WDR33: variants seen among roughly 807,000 people sequenced by gnomAD.
WDR33 encodes the protein WD repeat domain 33.
In WDR33, 47 loss-of-function variants were observed where a neutral mutation model predicts 164.9. The ratio of observed to expected loss-of-function variants is 0.29; its 90% CI spans 0.23 to 0.36. The LOEUF is 0.36. WDR33 is among the 10% of genes least tolerant of loss of function. The probability of loss-of-function intolerance (pLI) is 1.00; values close to 1 mark genes in which losing one functional copy is unlikely to be tolerated. For missense variants in WDR33, 1,137 were observed against 1,754.1 expected, an observed-to-expected ratio of 0.65 and a Z score of 6.28; for synonymous variants, 505 against 589.0, an observed-to-expected ratio of 0.86 and a Z score of 2.06.
At chr2:127,732,058 A>T (rs1218519942) in intron 7 of WDR33, among the ~76,000 whole-genome samples, 1 of 151,646 alleles carries the variant, frequency 6.6e-6, no homozygotes, top group Non-Finnish European at 1.5e-5. Flanking sequence ...ATTACATTCC[A>T]GGCTGGGTGA....
chr2:127,763,605 GCTGT>G lies in WDR33; in HGVS notation c.627-450_627-447del, dbSNP rs1383791619. ...CATGAAATAAGCTGAAACAATGTGG[GCTGT>G]CTATTAAAAGACTGATTGCTAAACA... On this transcript the variant is annotated intron_variant, in intron 6 of 21. Coordinates refer to ENST00000322313, the MANE Select transcript of WDR33 (RefSeq NM_018383.5). This position sits in a 1 kb window ranked among gnomAD's most constrained non-coding sequence, Gnocchi z 4.5. 1.0e-5 allele frequency: 10 copies of G among 995,682 alleles called. No homozygotes were observed. The highest frequency in any genetic ancestry group is 1.1e-4 in the Admixed American group (2 of 17,542). 61.7% of individuals were successfully genotyped at this position (995,682 alleles called of 1,614,324 possible).
chr2:127,798,401 T>C (rs1464738608), intron 1 of WDR33, among the ~76,000 whole-genome samples: 1 of 144,868 alleles, frequency 6.9e-6, no homozygotes, highest in Non-Finnish European at 1.5e-5. Flanking sequence ...AAAAATGAAT[T>C]TAAAAGCATT....
In WDR33 at chr2:127,713,538, A is replaced by G. The variant is rs758095071; in HGVS notation, c.3308+45T>C. 23 of 1,591,956 alleles carry G rather than the reference A, an allele frequency of 1.4e-5. No homozygotes were observed. The African/African-American group carries it at 3.1e-4, about 22-fold the overall frequency. Reference sequence around the variant, plus strand: ...GACCTTTGTGGAGACAGCAGATAAAAAGCTCCACTGAAGATGGAATGGGCC... The same window carrying G: ...GACCTTTGTGGAGACAGCAGATAAAGAGCTCCACTGAAGATGGAATGGGCC... On this transcript the variant is annotated intron_variant, in intron 18 of 21. Coordinates refer to ENST00000322313, the MANE Select transcript of WDR33 (RefSeq NM_018383.5). The surrounding 1 kb of genome is among the most constrained non-coding windows in gnomAD (Gnocchi z 6.2).
chr2:127,711,763 T>TAGATATATATATATATAG (rs1480358329), intron 18 of WDR33, among the ~76,000 whole-genome samples: 4 of 84,664 alleles, frequency 4.7e-5, no homozygotes, highest in African/African-American at 3.7e-4. Flanking sequence ...TATATATATA[T>TAGATATATATATATATAG]ATATATATAT....
chr2:127,715,847 C>T (rs979226782), intron 17 of WDR33, among the ~76,000 whole-genome samples: 6 of 152,118 alleles, frequency 3.9e-5, no homozygotes, highest in Non-Finnish European at 7.4e-5. Context: ...GCGGCGGCGG[C>T]GGTTATTCCA....
intron 4 of WDR33, among the ~76,000 whole-genome samples, 172 bp downstream of exon 4, chr2:127,768,014 ATGG>A (rs1687874979): frequency 6.6e-6 from 1 of 152,254 alleles, no homozygotes; most frequent in Non-Finnish European, 1.5e-5. Context: ...ATCTCACTCA[ATGG>A]TGATAAAGTA....
chr2:127,702,122 C>A lies in WDR33; in HGVS notation c.*4201G>T. 8.2e-7 allele frequency: 1 copy of A among 1,218,096 alleles called. No homozygotes were observed. Among genetic ancestry groups the A allele is most frequent in the Non-Finnish European group, 1.0e-6 (1 of 980,786 alleles). The allele number at this position is 1,218,096 out of a possible 1,614,324, so 75.5% of individuals were successfully genotyped here. A position where few individuals can be genotyped will look rare whatever the true frequency, so the allele number is the denominator to read the frequency against. ...GGGGCGGCGGCACCGCGCTGCGCCTCGCACTGGGTCGCCTGGGCCGCGGCG... is the reference window on the plus strand; with the variant it reads ...GGGGCGGCGGCACCGCGCTGCGCCTAGCACTGGGTCGCCTGGGCCGCGGCG... On this transcript the variant is annotated 3_prime_UTR_variant, in exon 22 of 22. Transcript: ENST00000322313.
intron 2 of WDR33, among the ~76,000 whole-genome samples, chr2:127,769,900 A>G (rs577626909): frequency 6.6e-6 from 1 of 152,230 alleles, no homozygotes; most frequent in East Asian, 1.9e-4. Flanking sequence ...TAAATAAAGA[A>G]CTCTAACGGG....
intron 1 of WDR33, among the ~76,000 whole-genome samples, chr2:127,781,314 G>C (rs1688360723): frequency 6.6e-6 from 1 of 152,126 alleles, no homozygotes; most frequent in Non-Finnish European, 1.5e-5. Flanking sequence ...AGAGTTAGGG[G>C]GGTAGGAGAG....
Position 127,708,624 on chromosome 2 carries a change from G to GC in WDR33, c.3781+52dup. ...GGCATGTGCAGCAGATACAGGCAAG[G>GC]CCTCCATCGGCCCCTGCATCTCCTG... On this transcript the variant is annotated intron_variant, in intron 21 of 21. Transcript: ENST00000322313. This position sits in a 1 kb window ranked among gnomAD's most constrained non-coding sequence, Gnocchi z 6.7. 1 of 1,511,640 alleles carries GC rather than the reference G, an allele frequency of 6.6e-7. No individual in the cohort carries two copies. Among genetic ancestry groups the GC allele is most frequent in the Non-Finnish European group, 8.9e-7 (1 of 1,124,000 alleles). 93.6% of individuals were successfully genotyped at this position (1,511,640 alleles called of 1,614,324 possible).
In WDR33 at chr2:127,701,849, G is replaced by C; in HGVS notation, c.*4474C>G. 1 of 1,459,822 alleles carries C rather than the reference G, an allele frequency of 6.9e-7. No individual in the cohort carries two copies. Among genetic ancestry groups the C allele is most frequent in the Non-Finnish European group, 9.0e-7 (1 of 1,110,578 alleles). The allele number at this position is 1,459,822 out of a possible 1,614,324, so 90.4% of individuals were successfully genotyped here. ...CGGTGTTGCTGCTGCGCGCGCGCAA[G>C]TTCGCGCTGCTCTGGTCACTGGGCT... On this transcript the variant is annotated 3_prime_UTR_variant, in exon 22 of 22. Coordinates refer to ENST00000322313, the MANE Select transcript of WDR33 (RefSeq NM_018383.5).
At chr2:127,789,168 C>T (rs11899906) in intron 1 of WDR33, among the ~76,000 whole-genome samples, 21 of 7,212 alleles carry the variant, frequency 2.9e-3, no homozygotes, top group South Asian at 5.2e-3. Flanking sequence ...GCGCTCCTCA[C>T]TTCCTAGATG....
chr2:127,794,765 C>T (rs1688965635), intron 1 of WDR33, among the ~76,000 whole-genome samples: 1 of 141,460 alleles, frequency 7.1e-6, no homozygotes, highest in African/African-American at 2.7e-5. Flanking sequence ...ACCCAGGAGG[C>T]AGAGGTTGCA....
At chr2:127,760,582 A>G (rs1056492975) in intron 7 of WDR33, among the ~76,000 whole-genome samples, 2 of 152,224 alleles carry the variant, frequency 1.3e-5, no homozygotes, top group African/African-American at 4.8e-5. Flanking sequence ...GGAAGCTCTT[A>G]GATGCATAAA....
intron 1 of WDR33, among the ~76,000 whole-genome samples, chr2:127,789,936 A>G (rs1285257189): frequency 1.3e-5 from 2 of 152,090 alleles, no homozygotes; most frequent in African/African-American, 4.8e-5. Context: ...CCCAGGCTCA[A>G]GCAATCCTTT....
intron 7 of WDR33, among the ~76,000 whole-genome samples, chr2:127,750,677 A>AAAAAAAT (rs1558936792): frequency 2.8e-5 from 1 of 35,794 alleles, no homozygotes; most frequent in Non-Finnish European, 4.4e-5. Context: ...AAAAAAAAAA[A>AAAAAAAT]ATATATATAT....
chr2:127,706,598 GT>G lies in WDR33; in HGVS notation c.3782-47del. 6.5e-7 allele frequency: 1 copy of G among 1,538,106 alleles called. No individual in the cohort carries two copies. Among genetic ancestry groups the G allele is most frequent in the South Asian group, 1.2e-5 (1 of 83,086 alleles). ...CATGGGACTTTTTGTATTAGCAACT[GT>G]TTGTCAGTAACTCCCAGTACAAACT... On this transcript the variant is annotated intron_variant, in intron 21 of 21. Transcript: ENST00000322313. This position sits in a 1 kb window ranked among gnomAD's most constrained non-coding sequence, Gnocchi z 5.1.
intron 1 of WDR33, among the ~76,000 whole-genome samples, chr2:127,797,355 G>C (rs1227858499): frequency 1.3e-5 from 2 of 152,054 alleles, no homozygotes; most frequent in African/African-American, 2.4e-5. Flanking sequence ...AGCTGGGCGT[G>C]GTGGCGCACA....
rs748813489 is a variant in WDR33 at position 127,720,866 on chromosome 2, G to T, written c.1672-513C>A. Among the ~76,000 whole-genome samples, 9 of 152,120 alleles carry T rather than the reference G, an allele frequency of 5.9e-5. No individual in the cohort carries two copies. The highest frequency in any genetic ancestry group is 1.3e-4 in the Non-Finnish European group (9 of 68,032). On this transcript the variant is annotated intron_variant, in intron 15 of 21. Coordinates refer to ENST00000322313, the MANE Select transcript of WDR33 (RefSeq NM_018383.5). This position sits in a 1 kb window ranked among gnomAD's most constrained non-coding sequence, Gnocchi z 5.9. ...GAGCCACTGTGCCTGGCCTAGTCAG[G>T]ATTATTTTTGTCCATCTTGATCAGG...
Sources: gnomAD v4.1 joint callset for allele counts (sites outside exome capture counted in the v4.1 genomes callset) on GRCh38, gnomAD v4.1.1 for gene constraint, Gnocchi (gnomAD v3.1) non-coding constraint, MANE v1.5 for transcripts, NCBI Gene and HGNC (gene_info 2026-07-23, HGNC 2026-07-21) for gene names.